The following MYSM1 variants were observed in gnomAD, a reference collection of about 807,000 sequenced individuals.
MYSM1 encodes deubiquitinase MYSM1.
Under a neutral mutation model 116.0 loss-of-function variants are expected in MYSM1, and 51 were observed. The ratio of observed to expected loss-of-function variants is 0.44; its 90% CI spans 0.35 to 0.56. The LOEUF (loss-of-function observed/expected upper bound fraction) is 0.56. Among genes scored for constraint, MYSM1 ranks in the 20% least tolerant of loss-of-function variants. The pLI, the probability that MYSM1 is intolerant of heterozygous loss-of-function variation, is 0.00. For synonymous variants in MYSM1, 313 were observed against 315.2 expected (o/e 0.99, Z 0.07); for missense variants, 900 against 974.9 (o/e 0.92, Z 1.02).
In MYSM1 at chr1:58,675,495, G is replaced by T; in HGVS notation, c.1476C>A (p.Ala492=). 6.2e-7 allele frequency: 1 copy of T among 1,611,748 alleles called. No homozygotes were observed. The highest frequency in any genetic ancestry group is 1.1e-5 in the South Asian group (1 of 90,580). Residue 492 remains alanine (A), a synonymous_variant, in exon 10 of 20, where the codon GCC becomes GCA. Transcript: ENST00000472487. The part of the protein sequence containing the change: ...RKDAVEAYQL[A]QRLQSMRTRR... Reference sequence around the variant, plus strand: ...TGCTTACCATAGACTGCAGACGCTGGGCAAGTTGGTATGCTTCTACTGCAT... The same window carrying T: ...TGCTTACCATAGACTGCAGACGCTGTGCAAGTTGGTATGCTTCTACTGCAT...
chr1:58,682,107 CA>C lies in MYSM1; in HGVS notation c.936del (p.Asn312LysfsTer8). The C allele has an allele frequency of 6.2e-7, 1 of 1,613,878 alleles. No homozygotes were observed. Among genetic ancestry groups the C allele is most frequent in the Non-Finnish European group, 8.5e-7 (1 of 1,179,894 alleles). On this transcript the variant is annotated frameshift_variant, in exon 8 of 20. Transcript: ENST00000472487. LOFTEE classifies it high-confidence loss of function. Reference sequence around the variant, plus strand: ...TTAATCAATTCATTAAATTTCTGGTCATTTAATTCAATTGATTTTTTGTCAC... The same window carrying C: ...TTAATCAATTCATTAAATTTCTGGTCTTTAATTCAATTGATTTTTTGTCAC... The part of the protein sequence containing the change: ...SNGDKKSIEL[N>X]DQKFNELIKN...
rs1459582528 is a variant in MYSM1 at position 58,690,419 on chromosome 1, T to C, written c.219-2A>G. ...TGTGATTTTTTAGATAAATAATATC[T>C]GTGTAACTATCAAGGAAACTTTTTA... On this transcript the variant is annotated splice_acceptor_variant, in intron 3 of 19. Coordinates refer to ENST00000472487, the MANE Select transcript of MYSM1 (RefSeq NM_001085487.3). LOFTEE classifies it high-confidence loss of function. 1.3e-6 allele frequency: 2 copies of C among 1,579,042 alleles called. 1 individual carries two copies. Among genetic ancestry groups the C allele is most frequent in the South Asian group, 2.3e-5 (2 of 85,896 alleles).
intron 3 of MYSM1, among the ~76,000 whole-genome samples, chr1:58,690,676 T>G (rs1423377455): frequency 1.6e-5 from 2 of 125,376 alleles, no homozygotes; most frequent in Non-Finnish European, 3.3e-5. Flanking sequence ...GAGATTATTT[T>G]GTGATTTTTT....
In MYSM1 at chr1:58,682,232, A is replaced by G. The variant is rs1268197860; in HGVS notation, c.812T>C (p.Leu271Pro). 1 of 1,612,998 alleles carries G rather than the reference A, an allele frequency of 6.2e-7. No individual in the cohort carries two copies. Among genetic ancestry groups the G allele is most frequent in the Non-Finnish European group, 8.5e-7 (1 of 1,179,126 alleles). The stretch of plus-strand genomic sequence containing the variant: ...ACAGCCCCTGGAAGACTTAGAAAAG[A>G]GAGCTTCCTGGCTGTCAGAAGTAAT... Reference protein sequence around the residue: ...EFITSDSQEALFSKSSRGCLQ... With the variant: ...EFITSDSQEAPFSKSSRGCLQ... The change falls in exon 8 of 20, where the codon CTC becomes CCC. Residue 271 changes from leucine to proline, a missense_variant. Physicochemically the swap from Leu to Pro is moderately conservative, Grantham distance 98. This residue lies in a region of MYSM1 where 622 missense variants were observed against 623.7 expected (regional missense o/e 1.00). Coordinates refer to ENST00000472487, the MANE Select transcript of MYSM1 (RefSeq NM_001085487.3).
At position 58,656,438 on chromosome 1, in the gene MYSM1, G is replaced by A. The variant is rs768084685; in HGVS notation, c.*3559C>T. The A allele has an allele frequency of 1.2e-4, 18 of 152,148 alleles. No homozygotes were observed. The highest frequency in any genetic ancestry group is 2.2e-4 in the Non-Finnish European group (15 of 68,058). The allele number at this position is 152,148 out of a possible 1,614,324, so 9.4% of individuals were successfully genotyped here. The stretch of plus-strand genomic sequence containing the variant: ...GGAAAGGGTTTGTGGGAAATGGAGA[G>A]GAAAGAAAGGTAGTAGGATGTTTCC... On this transcript the variant is annotated 3_prime_UTR_variant, in exon 20 of 20. Coordinates refer to ENST00000472487, the MANE Select transcript of MYSM1 (RefSeq NM_001085487.3).
Position 58,681,771 on chromosome 1 carries a change from T to C in MYSM1, c.1259+14A>G. ...ACGTTTTAAAACAACATCTATAATG[T>C]AATTCTTTCTTACCATTGATCCAAA... On this transcript the variant is annotated intron_variant, in intron 8 of 19. Coordinates refer to ENST00000472487, the MANE Select transcript of MYSM1 (RefSeq NM_001085487.3). The C allele has an allele frequency of 6.4e-7, 1 of 1,563,160 alleles. No homozygotes were observed. Among genetic ancestry groups the C allele is most frequent in the Non-Finnish European group, 8.6e-7 (1 of 1,159,500 alleles).
chr1:58,690,107 T>C, intron 5 of MYSM1, 119 bp downstream of exon 5: 1 of 777,054 alleles, frequency 1.3e-6, no homozygotes, highest in African/African-American at 1.8e-5. Flanking sequence ...AAAACTGTTT[T>C]TATATCTACT....
At position 58,659,020 on chromosome 1, in the gene MYSM1, T is replaced by C. The variant is rs1490341542; in HGVS notation, c.*977A>G. The C allele has an allele frequency of 6.7e-6, 1 of 148,934 alleles. No homozygotes were observed. The highest frequency in any genetic ancestry group is 1.5e-5 in the Non-Finnish European group (1 of 67,368). 9.2% of individuals were successfully genotyped at this position (148,934 alleles called of 1,614,324 possible). On this transcript the variant is annotated 3_prime_UTR_variant, in exon 20 of 20. Transcript: ENST00000472487. ...AAAGAAGAATGTCTCATAGACATCA[T>C]ATGTGGCCTGAAAAGCCAAAATTAT...
intron 15 of MYSM1, among the ~76,000 whole-genome samples, chr1:58,667,549 C>T (rs1291081077): frequency 6.6e-6 from 1 of 151,894 alleles, no homozygotes; most frequent in African/African-American, 2.4e-5. Context: ...TGCATACAAA[C>T]TTTCAACTAA....
chr1:58,673,782 T>C, intron 10 of MYSM1, 132 bp from the exon 11 acceptor site: 1 of 688,070 alleles, frequency 1.5e-6, no homozygotes, highest in South Asian at 1.9e-5. Context: ...GTATAACCTC[T>C]GGCAATGACT....
chr1:58,669,646 G>A (rs1644526036), intron 12 of MYSM1, among the ~76,000 whole-genome samples: 1 of 151,852 alleles, frequency 6.6e-6, no homozygotes, highest in Admixed American at 6.6e-5. Context: ...GGATAACATG[G>A]TGAAACCCCA....
At chr1:58,668,016 T>C (rs1644501752) in intron 14 of MYSM1, 95 bp from the exon 15 acceptor site, 2 of 858,656 alleles carry the variant, frequency 2.3e-6, no homozygotes, top group South Asian at 1.4e-5. Flanking sequence ...TTTGTAAGTA[T>C]AGCCATCATG....
At chr1:58,670,661 A>G (rs1033526108) in intron 12 of MYSM1, among the ~76,000 whole-genome samples, 4 of 152,218 alleles carry the variant, frequency 2.6e-5, no homozygotes, top group African/African-American at 9.6e-5. Flanking sequence ...CCTTCTGTAT[A>G]AGATGAAGAT....
rs181923005 is a variant in MYSM1, at chr1:58,695,597, A to G, written c.69-390T>C. On this transcript the variant is annotated intron_variant, in intron 1 of 19. Coordinates refer to ENST00000472487, the MANE Select transcript of MYSM1 (RefSeq NM_001085487.3). ...TATACAGGAATTCAACTTTGTGATTAAACCTTTTAGCTGTATCTAAATTAT... is the reference window on the plus strand; with the variant it reads ...TATACAGGAATTCAACTTTGTGATTGAACCTTTTAGCTGTATCTAAATTAT... Among the ~76,000 whole-genome samples, 129 of 152,316 alleles carry G rather than the reference A, an allele frequency of 8.5e-4. 3 individuals are homozygous for G. In the East Asian group the frequency reaches 0.015, roughly 18 times the overall value.
At chr1:58,673,714 A>G in intron 10 of MYSM1, 64 bp from the exon 11 acceptor site, 1 of 1,303,202 alleles carries the variant, frequency 7.7e-7, no homozygotes, top group African/African-American at 1.5e-5. Flanking sequence ...ATAGCACATT[A>G]ATACACAAAA....
At chr1:58,697,350 AAG>A (rs1644990498) in intron 1 of MYSM1, among the ~76,000 whole-genome samples, 1 of 117,644 alleles carries the variant, frequency 8.5e-6, no homozygotes, top group South Asian at 2.4e-4. Flanking sequence ...TCTGTCACTT[AAG>A]AGAGAGATCT....
chr1:58,695,017 T>C (rs1644953773), intron 2 of MYSM1, 112 bp downstream of exon 2: 1 of 501,612 alleles, frequency 2.0e-6, no homozygotes, highest in South Asian at 3.8e-5. Context: ...AAGAAAAATA[T>C]TATATCTGTG....
intron 1 of MYSM1, among the ~76,000 whole-genome samples, chr1:58,697,521 C>G (rs1251459940): frequency 6.6e-6 from 1 of 151,600 alleles, no homozygotes; most frequent in Non-Finnish European, 1.5e-5. Context: ...CCTTGCAACA[C>G]TAGGAGTAAA....
At chr1:58,685,674 C>T (rs1483577943) in intron 6 of MYSM1, among the ~76,000 whole-genome samples, 2 of 152,126 alleles carry the variant, frequency 1.3e-5, no homozygotes. Context: ...AACTCAGATT[C>T]CCTATTTTGC....
Sources: allele counts gnomAD v4.1 joint callset (sites outside exome capture counted in the v4.1 genomes callset), GRCh38; gene constraint gnomAD v4.1.1; regional missense constraint gnomAD v4.1.1; transcripts MANE v1.5; gene names NCBI Gene and HGNC (gene_info 2026-07-23, HGNC 2026-07-21).